The following KCNQ3 variants were observed in gnomAD, a reference collection of about 807,000 sequenced individuals.
The protein encoded by KCNQ3 is potassium voltage-gated channel subfamily Q member 3, also known as potassium voltage-gated channel subfamily KQT member 3.
Under a neutral mutation model 92.5 loss-of-function variants are expected in KCNQ3, and 30 were observed. The ratio of observed to expected loss-of-function variants is 0.32; its 90% confidence interval spans 0.24 to 0.44. KCNQ3 has a LOEUF of 0.44. KCNQ3 is among the 20% of genes least tolerant of loss of function. The pLI is 1.00. For synonymous variants in KCNQ3, 450 were observed against 468.8 expected, an observed-to-expected ratio of 0.96 and a Z score of 0.52; for missense variants, 913 against 1,140.3, an observed-to-expected ratio of 0.80 and a Z score of 2.87.
In KCNQ3 at chr8:132,453,242, G is replaced by A. The variant is rs546141516; in HGVS notation, c.386+26905C>T. Among the ~76,000 whole-genome samples, 13 of 152,284 alleles carry A rather than the reference G, an allele frequency of 8.5e-5. No homozygotes were observed. The South Asian group carries it at 2.5e-3, about 29-fold the overall frequency. On this transcript the variant is annotated intron_variant, in intron 1 of 14. Coordinates refer to ENST00000388996, the MANE Select transcript of KCNQ3 (RefSeq NM_004519.4). ...GGATCATCTGGGGCCTGTTGGCCTC[G>A]GTGAAGACGGCGGGTACTAGTCTAA...
intron 1 of KCNQ3, among the ~76,000 whole-genome samples, chr8:132,357,407 A>G (rs1156853776): frequency 1.3e-5 from 2 of 152,220 alleles, no homozygotes; most frequent in African/African-American, 2.4e-5. Context: ...AAAATCTTCC[A>G]TAATTGTCTG....
At chr8:132,258,495 A>C (rs1815665856) in intron 1 of KCNQ3, among the ~76,000 whole-genome samples, 2 of 152,114 alleles carry the variant, frequency 1.3e-5, no homozygotes, top group Non-Finnish European at 2.9e-5. Flanking sequence ...AAAACTTATG[A>C]GATACAGCAG....
At chr8:132,254,509 T>C (rs183451791) in intron 1 of KCNQ3, among the ~76,000 whole-genome samples, 27 of 152,366 alleles carry the variant, frequency 1.8e-4, no homozygotes, top group Admixed American at 1.6e-3. Context: ...TGTTTGTCTC[T>C]TCAAGATTGT....
intron 1 of KCNQ3, among the ~76,000 whole-genome samples, chr8:132,350,157 G>A (rs887337753): frequency 5.3e-5 from 8 of 152,148 alleles, no homozygotes; most frequent in East Asian, 1.9e-4. Context: ...TTGGCAGTCC[G>A]GATACATCTT....
chr8:132,378,330 T>C (rs1253701372), intron 1 of KCNQ3, among the ~76,000 whole-genome samples: 1 of 152,082 alleles, frequency 6.6e-6, no homozygotes, highest in South Asian at 2.1e-4. Flanking sequence ...AGGCAGAGGT[T>C]GCAGTGAGCC....
chr8:132,386,147 A>G (rs1343193045), intron 1 of KCNQ3, among the ~76,000 whole-genome samples: 2 of 152,178 alleles, frequency 1.3e-5, no homozygotes, highest in Non-Finnish European at 2.9e-5. Context: ...CCTGATTGGA[A>G]AAGAAATGAC....
intron 1 of KCNQ3, among the ~76,000 whole-genome samples, chr8:132,475,630 C>T (rs1446355685): frequency 6.6e-6 from 1 of 152,148 alleles, no homozygotes; most frequent in African/African-American, 2.4e-5. Context: ...CAAGAGTTAA[C>T]CTGGCTTATT....
In KCNQ3 at chr8:132,231,815, A is replaced by T. The variant is rs1455419460; in HGVS notation, c.387-45634T>A. The stretch of plus-strand genomic sequence containing the variant: ...GCTTTGCATGATGGCTCTAAGTCAC[A>T]ATGATCATTAGGTCTTTCCTCGAAT... On this transcript the variant is annotated intron_variant, in intron 1 of 14. Coordinates refer to ENST00000388996, the MANE Select transcript of KCNQ3 (RefSeq NM_004519.4). Among the ~76,000 whole-genome samples the T allele has an allele frequency of 3.9e-5, 6 of 152,320 alleles. No homozygotes were observed. The East Asian group carries it at 1.2e-3, about 29-fold the overall frequency.
At chr8:132,340,727 T>C (rs532979386) in intron 1 of KCNQ3, among the ~76,000 whole-genome samples, 3 of 152,300 alleles carry the variant, frequency 2.0e-5, no homozygotes. Context: ...ATGACGCATG[T>C]ATACCTATGT....
intron 1 of KCNQ3, among the ~76,000 whole-genome samples, chr8:132,352,989 G>A (rs1198789605): frequency 6.6e-6 from 1 of 152,172 alleles, no homozygotes; most frequent in African/African-American, 2.4e-5. Context: ...CACTTTGGGA[G>A]GTCGAGGCGG....
intron 1 of KCNQ3, among the ~76,000 whole-genome samples, chr8:132,186,933 T>TGAGA (rs1206881344): frequency 1.2e-4 from 13 of 106,540 alleles, no homozygotes; most frequent in East Asian, 2.7e-4. Context: ...TGTGTGTGTG[T>TGAGA]GAGAGAGAGA....
chr8:132,127,169 C>T lies in KCNQ3; in HGVS notation c.*2093G>A, dbSNP rs904789500. 2 of 152,194 alleles carry T rather than the reference C, an allele frequency of 1.3e-5. No individual in the cohort carries two copies. The highest frequency in any genetic ancestry group is 4.8e-5 in the African/African-American group (2 of 41,442). 9.4% of individuals were successfully genotyped at this position (152,194 alleles called of 1,614,324 possible). Reference sequence around the variant, plus strand: ...AGGAGTGGGGAAAAGGCCCAAATAACCCATGCCCTTTGTCCTTCAGATTGC... The same window carrying T: ...AGGAGTGGGGAAAAGGCCCAAATAATCCATGCCCTTTGTCCTTCAGATTGC... On this transcript the variant is annotated 3_prime_UTR_variant, in exon 15 of 15. Transcript: ENST00000388996.
At chr8:132,137,840 A>G in intron 12 of KCNQ3, 45 bp downstream of exon 12, 1 of 1,609,572 alleles carries the variant, frequency 6.2e-7, no homozygotes, top group Non-Finnish European at 8.5e-7. Flanking sequence ...TAAGGTTCAT[A>G]GGGCTTTGAG....
At chr8:132,294,729 C>T (rs1161673059) in intron 1 of KCNQ3, among the ~76,000 whole-genome samples, 3 of 152,176 alleles carry the variant, frequency 2.0e-5, no homozygotes, top group Non-Finnish European at 2.9e-5. Context: ...CATAGGAGTA[C>T]AGATCAGATA....
chr8:132,297,837 TC>T (rs2130574397), intron 1 of KCNQ3, among the ~76,000 whole-genome samples: 1 of 151,642 alleles, frequency 6.6e-6, no homozygotes, highest in South Asian at 2.1e-4. Flanking sequence ...TCAGTTCCAT[TC>T]CCATTCATTA....
At chr8:132,411,560 C>T (rs1820653134) in intron 1 of KCNQ3, among the ~76,000 whole-genome samples, 1 of 152,040 alleles carries the variant, frequency 6.6e-6, no homozygotes, top group Admixed American at 6.6e-5. Context: ...CTACCAGGAA[C>T]CCAGGAAAGA....
chr8:132,260,472 AAAT>A (rs980982668), intron 1 of KCNQ3, among the ~76,000 whole-genome samples: 1 of 152,182 alleles, frequency 6.6e-6, no homozygotes, highest in Non-Finnish European at 1.5e-5. Context: ...TAATTAAAAA[AAAT>A]AATAATAAAT....
chr8:132,387,113 A>C (rs941785238), intron 1 of KCNQ3, among the ~76,000 whole-genome samples: 2 of 152,224 alleles, frequency 1.3e-5, no homozygotes, highest in African/African-American at 4.8e-5. Flanking sequence ...TACTCACAGA[A>C]GCCAAAATCC....
chr8:132,202,587 C>T (rs533923779), intron 1 of KCNQ3, among the ~76,000 whole-genome samples: 1 of 152,310 alleles, frequency 6.6e-6, no homozygotes, highest in South Asian at 2.1e-4. Flanking sequence ...TAGTTCATGG[C>T]TCTTAGGTTC....
Sources: allele counts gnomAD v4.1 joint callset (sites outside exome capture counted in the v4.1 genomes callset), GRCh38; gene constraint gnomAD v4.1.1; transcripts MANE v1.5; gene names NCBI Gene and HGNC (gene_info 2026-07-23, HGNC 2026-07-21).